Variants in DNAJB6 observed in about 807,000 individuals in gnomAD.
DNAJB6 encodes dnaJ homolog subfamily B member 6.
Under a neutral mutation model 42.7 loss-of-function variants are expected in DNAJB6, and 16 were observed. The observed-to-expected ratio is 0.37, with a 90% CI of 0.25 to 0.57. DNAJB6 has a LOEUF of 0.57. Among genes scored for constraint, DNAJB6 ranks in the 20% least tolerant of loss-of-function variants. The pLI is 0.74. For synonymous variants in DNAJB6, 170 were observed against 163.5 expected, an observed-to-expected ratio of 1.04 and a Z score of -0.30; for missense variants, 347 against 416.8, an observed-to-expected ratio of 0.83 and a Z score of 1.46.
intron 8 of DNAJB6, among the ~76,000 whole-genome samples, chr7:157,403,674 G>A (rs930542780): frequency 2.0e-5 from 3 of 152,148 alleles, no homozygotes; most frequent in Non-Finnish European, 2.9e-5. Flanking sequence ...GGAGGCAGGT[G>A]TGCCCGATGC....
chr7:157,369,799 A>AGCCCCTTCTTCACATTATTATTAAACAG (rs1800055814), intron 5 of DNAJB6, among the ~76,000 whole-genome samples: 3 of 119,078 alleles, frequency 2.5e-5, no homozygotes, highest in African/African-American at 1.3e-4. Flanking sequence ...TTATTAAACG[A>AGCCCCTTCTTCACATTATTATTAAACAG]GCCCCTTCTT....
At chr7:157,343,242 C>T (rs1407475838) in intron 1 of DNAJB6, among the ~76,000 whole-genome samples, 2 of 151,798 alleles carry the variant, frequency 1.3e-5, no homozygotes. Flanking sequence ...CTCACTGCGC[C>T]TGCACCTCCC....
chr7:157,370,185 C>T lies in DNAJB6; in HGVS notation c.346+2702C>T, dbSNP rs190280135. Among the ~76,000 whole-genome samples the T allele has an allele frequency of 5.7e-3, 864 of 150,468 alleles. 11 individuals carry two copies. The highest frequency in any genetic ancestry group is 0.02 in the African/African-American group (830 of 40,636). The stretch of plus-strand genomic sequence containing the variant: ...CTTCTTAACATTATTATTAAACAGG[C>T]CCCTTCTTAACATTATTATTAAAGA... On this transcript the variant is annotated intron_variant, in intron 5 of 9. Coordinates refer to ENST00000262177, the MANE Select transcript of DNAJB6 (RefSeq NM_058246.4).
At chr7:157,398,371 T>C (rs1326941061) in intron 8 of DNAJB6, among the ~76,000 whole-genome samples, 1 of 152,108 alleles carries the variant, frequency 6.6e-6, no homozygotes, top group Non-Finnish European at 1.5e-5. Context: ...CCCCCCTCTC[T>C]CCCCAAAAAA....
chr7:157,387,171 T>C (rs1251067516), intron 8 of DNAJB6, among the ~76,000 whole-genome samples: 4 of 152,188 alleles, frequency 2.6e-5, no homozygotes, highest in Non-Finnish European at 5.9e-5. Context: ...GTGCTGTTAC[T>C]GAAAATAAGT....
rs1796107767 is a variant in DNAJB6, at chr7:157,416,369, G to A, written c.*271G>A. On this transcript the variant is annotated 3_prime_UTR_variant, in exon 10 of 10. Coordinates refer to ENST00000262177, the MANE Select transcript of DNAJB6 (RefSeq NM_058246.4). Reference sequence around the variant, plus strand: ...GCTGCATTTTCCTCTAGTGCTTCCGGATCCTCTTCATTCTTTTCGGCTACT... The same window carrying A: ...GCTGCATTTTCCTCTAGTGCTTCCGAATCCTCTTCATTCTTTTCGGCTACT... The A allele has an allele frequency of 4.4e-6, 2 of 455,370 alleles. No individual in the cohort carries two copies. Among genetic ancestry groups the A allele is most frequent in the South Asian group, 5.8e-5 (2 of 34,212 alleles). 28.2% of individuals were successfully genotyped at this position (455,370 alleles called of 1,614,324 possible).
chr7:157,349,254 T>C (rs1362376268), intron 1 of DNAJB6, among the ~76,000 whole-genome samples: 4 of 152,114 alleles, frequency 2.6e-5, no homozygotes, highest in Non-Finnish European at 5.9e-5. Context: ...GCTAGCATAG[T>C]GTGTGTTATA....
rs548325183 is a variant in DNAJB6 at position 157,384,898 on chromosome 7, G to A, written c.510G>A (p.Gly170=). 9.9e-6 allele frequency: 16 copies of A among 1,613,070 alleles called. No individual in the cohort carries two copies. The African/African-American group carries it at 1.7e-4, about 17-fold the overall frequency. The part of the protein sequence containing the change: ...GFTSFGSLGH[G]GLTSFSSTSF... ...CTTCATTTGGGTCACTAGGTCACGG[G>A]GGCCTCACTTCATTCTCTTCCACGT... Residue 170 remains glycine, a synonymous_variant, in exon 7 of 10, where the codon GGG becomes GGA. Transcript: ENST00000262177.
At chr7:157,343,962 T>A (rs1316018081) in intron 1 of DNAJB6, among the ~76,000 whole-genome samples, 1 of 152,220 alleles carries the variant, frequency 6.6e-6, no homozygotes, top group African/African-American at 2.4e-5. Flanking sequence ...TCTTAATTTC[T>A]TAATTGAAAA....
chr7:157,367,178 CAT>C (rs1300255070), intron 4 of DNAJB6, among the ~76,000 whole-genome samples, 193 bp from the exon 5 acceptor site: 4 of 152,232 alleles, frequency 2.6e-5, no homozygotes, highest in African/African-American at 9.6e-5. Flanking sequence ...CTGCTGCACT[CAT>C]ATGCCATCAG....
chr7:157,372,193 A>G (rs1800244582), intron 5 of DNAJB6: 1 of 152,862 alleles, frequency 6.5e-6, no homozygotes, highest in Non-Finnish European at 1.5e-5. Context: ...GTGAGGAGTT[A>G]GTAGAGCTGC....
chr7:157,340,709 C>T (rs928304175), intron 1 of DNAJB6, among the ~76,000 whole-genome samples: 1 of 152,276 alleles, frequency 6.6e-6, no homozygotes, highest in South Asian at 2.1e-4. Flanking sequence ...GGAGTCCTTG[C>T]TCTGTGTCCC....
intron 1 of DNAJB6, among the ~76,000 whole-genome samples, chr7:157,345,451 A>G (rs998011839): frequency 2.0e-5 from 3 of 151,948 alleles, no homozygotes; most frequent in African/African-American, 7.3e-5. Flanking sequence ...CATAGCTGGG[A>G]GTACAGGCAT....
rs146338597 is a variant in DNAJB6 at position 157,338,155 on chromosome 7, G to A, written c.-27+1011G>A. Among the ~76,000 whole-genome samples, 643 of 152,310 alleles carry A rather than the reference G, an allele frequency of 4.2e-3. 5 individuals are homozygous for A. The highest frequency in any genetic ancestry group is 0.015 in the African/African-American group (613 of 41,560). ...TAGAAAAGTTAGAGTGAAGACCGAA[G>A]AAAGGAAACAGACGTTAACCATTAA... On this transcript the variant is annotated intron_variant, in intron 1 of 9. Transcript: ENST00000262177.
chr7:157,352,507 G>T (rs73744696), intron 1 of DNAJB6, among the ~76,000 whole-genome samples: 2,116 of 152,030 alleles, frequency 0.014, 45 homozygotes, highest in African/African-American at 0.049. Context: ...GGGTGGGGGT[G>T]ATTTGGAGGT....
At chr7:157,369,553 C>T in intron 5 of DNAJB6, 2 of 351,042 alleles carry the variant, frequency 5.7e-6, no homozygotes, top group East Asian at 8.0e-5. Flanking sequence ...TTAAACAGGG[C>T]TTTCTTACCA....
intron 1 of DNAJB6, among the ~76,000 whole-genome samples, chr7:157,351,663 A>ACAAC (rs201800920): frequency 1.3e-5 from 2 of 148,574 alleles, no homozygotes; most frequent in Non-Finnish European, 3.0e-5. Context: ...AACAACAACA[A>ACAAC]AAAAAACCAC....
chr7:157,378,130 T>C (rs1362999120), intron 5 of DNAJB6: 1 of 152,198 alleles, frequency 6.6e-6, no homozygotes, highest in Non-Finnish European at 1.5e-5. Context: ...CTCCAGGCAT[T>C]GATGGTCCTC....
intron 8 of DNAJB6, among the ~76,000 whole-genome samples, chr7:157,408,218 C>T (rs973875604): frequency 3.3e-5 from 5 of 152,074 alleles, no homozygotes; most frequent in Admixed American, 1.3e-4. Flanking sequence ...ACGCGCGGGC[C>T]GGGTGTTGAC....
Sources: allele counts gnomAD v4.1 joint callset (sites outside exome capture counted in the v4.1 genomes callset), GRCh38; gene constraint gnomAD v4.1.1; transcripts MANE v1.5; gene names NCBI Gene and HGNC (gene_info 2026-07-23, HGNC 2026-07-21).